EXPH5: variants seen among roughly 807,000 people sequenced by gnomAD.
EXPH5 encodes exophilin 5, also known as exophilin-5.
A neutral mutation model predicts 41.1 loss-of-function variants in EXPH5; 42 were observed. That is an observed-to-expected ratio of 1.02 (90% CI 0.80 to 1.32). The LOEUF is 1.32. Ranked by LOEUF, EXPH5 falls within the 40% of genes most tolerant of loss-of-function variation. EXPH5 has a pLI of 0.00. For missense variants in EXPH5, 2,298 were observed against 2,314.5 expected (o/e 0.99, Z 0.15); for synonymous variants, 798 against 833.5 (o/e 0.96, Z 0.73).
chr11:108,513,433 T>A lies in EXPH5; in HGVS notation c.2074A>T (p.Ile692Phe). ...TCATTATTTACTTCTGTGACCAAGA[T>A]ATTGGGCTGGCTTTTGGCAAGAGGC... ...SLPLAKSQPN[I>F]LVTEVNNEKD... Residue 692 changes from isoleucine to phenylalanine, a missense_variant, in exon 6 of 6, where the codon ATC becomes TTC. By Grantham distance (21) the Ile-to-Phe change is conservative (BLOSUM62 0). Transcript: ENST00000265843. 6.2e-7 allele frequency: 1 copy of A among 1,613,480 alleles called. No homozygotes were observed. Among genetic ancestry groups the A allele is most frequent in the African/African-American group, 1.3e-5 (1 of 74,998 alleles).
intron 4 of EXPH5, among the ~76,000 whole-genome samples, chr11:108,525,499 A>C (rs117593807): frequency 6.6e-6 from 1 of 152,232 alleles, no homozygotes; most frequent in South Asian, 2.1e-4. Context: ...ATGATCTCTA[A>C]GTGTTTCTCT....
rs139699634 is a variant in EXPH5 at position 108,513,865 on chromosome 11, G to A, written c.1642C>T (p.Pro548Ser). The A allele has an allele frequency of 2.4e-4, 379 of 1,611,440 alleles. 2 individuals are homozygous for A. The highest frequency in any genetic ancestry group is 2.9e-4 in the Non-Finnish European group (347 of 1,178,974). ...TGAAAATCAAACTGCCAAGGATGTG[G>A]CTCTTCTTGGCCTCTGGAAACATCT... ...GTDVSRGQEE[P>S]HPWQFDFQRS... Residue 548 changes from proline to serine, a missense_variant, in exon 6 of 6, where the codon CCA becomes TCA. Physicochemically the swap from Pro to Ser is moderately conservative, Grantham distance 74. Coordinates refer to ENST00000265843, the MANE Select transcript of EXPH5 (RefSeq NM_015065.3).
In EXPH5 at chr11:108,578,780, T is replaced by C. The variant is rs528003818; in HGVS notation, c.119+14638A>G. Among the ~76,000 whole-genome samples the C allele has an allele frequency of 2.0e-5, 3 of 152,316 alleles. No individual in the cohort carries two copies. In the East Asian group the frequency reaches 5.8e-4, roughly 29 times the overall value. On this transcript the variant is annotated intron_variant, in intron 1 of 5. Transcript: ENST00000265843. ...GTTAAGTTTATTCCTTTATTTGTAG[T>C]TATTGTAAATGAGATTGTTTTTTAG...
At chr11:108,561,421 A>G (rs947225067) in intron 1 of EXPH5, among the ~76,000 whole-genome samples, 2 of 152,190 alleles carry the variant, frequency 1.3e-5, no homozygotes, top group Non-Finnish European at 2.9e-5. Context: ...ACACCCAAAA[A>G]TAGCACTCGA....
the EXPH5 span, among the ~76,000 whole-genome samples, chr11:108,606,610 G>T: frequency 6.6e-6 from 1 of 152,024 alleles, no homozygotes; most frequent in African/African-American, 2.4e-5. Flanking sequence ...GCCCTTTAAA[G>T]ACAGGTTCAT....
intron 1 of EXPH5, among the ~76,000 whole-genome samples, chr11:108,548,143 T>C (rs2093947292): frequency 6.7e-6 from 1 of 148,888 alleles, no homozygotes; most frequent in Admixed American, 6.7e-5. Context: ...AAAATCAGTG[T>C]CTCAGAGTTC....
intron 3 of EXPH5, among the ~76,000 whole-genome samples, chr11:108,533,753 T>C (rs1247349346): frequency 6.6e-6 from 1 of 152,172 alleles, no homozygotes; most frequent in East Asian, 1.9e-4. Flanking sequence ...CTCTACCCAC[T>C]GGATCCCAAT....
intron 1 of EXPH5, among the ~76,000 whole-genome samples, chr11:108,589,836 T>C (rs2094123220): frequency 6.6e-6 from 1 of 152,208 alleles, no homozygotes; most frequent in South Asian, 2.1e-4. Flanking sequence ...ATACTCGACC[T>C]TTTTTAATTG....
intron 1 of EXPH5, among the ~76,000 whole-genome samples, chr11:108,567,179 G>A (rs1336067050): frequency 6.6e-6 from 1 of 152,206 alleles, no homozygotes; most frequent in Non-Finnish European, 1.5e-5. Flanking sequence ...AGTCAAGTGG[G>A]ATGAAATCTG....
rs78331746 is a variant in EXPH5, at chr11:108,549,503, G to C, written c.120-7691C>G. Among the ~76,000 whole-genome samples, 501 of 152,126 alleles carry C rather than the reference G, an allele frequency of 3.3e-3. 1 individual carries two copies. The highest frequency in any genetic ancestry group is 6.3e-3 in the Non-Finnish European group (431 of 68,006). On this transcript the variant is annotated intron_variant, in intron 1 of 5. Transcript: ENST00000265843. ...TTGCTGACCTTTGCTTGTCACTTTT[G>C]TTTGACTTTATTCTGAGCAAGGCTT...
chr11:108,529,611 G>C (rs148363271), intron 3 of EXPH5, among the ~76,000 whole-genome samples: 1 of 152,070 alleles, frequency 6.6e-6, no homozygotes. Context: ...TTGGGAGGCC[G>C]AGGTGGGTGG....
chr11:108,588,661 G>A (rs2136125569), intron 1 of EXPH5, among the ~76,000 whole-genome samples: 1 of 152,288 alleles, frequency 6.6e-6, no homozygotes, highest in South Asian at 2.1e-4. Context: ...ACAAATGTTA[G>A]CTATTATTAC....
chr11:108,559,515 GA>G (rs1375518840), intron 1 of EXPH5, among the ~76,000 whole-genome samples: 2 of 152,160 alleles, frequency 1.3e-5, no homozygotes, highest in Non-Finnish European at 2.9e-5. Context: ...TCAACGTCTT[GA>G]ATTTGTTAAT....
Position 108,566,857 on chromosome 11 carries a change from T to C in EXPH5, c.120-25045A>G, listed in dbSNP as rs561093185. 9.8e-5 allele frequency among the ~76,000 whole-genome samples: 15 copies of C among 152,310 alleles called. No homozygotes were observed. In the South Asian group the frequency reaches 2.9e-3, roughly 29 times the overall value. ...TGGAGGGGAAACTAAAGATTTCCTT[T>C]TGTGGTCTTTTGCCGGTCACTCAAC... is the stretch of plus-strand genomic sequence containing the variant. On this transcript the variant is annotated intron_variant, in intron 1 of 5. Transcript: ENST00000265843.
chr11:108,589,200 A>G (rs1448919184), intron 1 of EXPH5, among the ~76,000 whole-genome samples: 1 of 152,180 alleles, frequency 6.6e-6, no homozygotes, highest in Non-Finnish European at 1.5e-5. Context: ...TTTCCACTGT[A>G]TTCTCAGGGC....
chr11:108,523,006 T>C (rs2093774969), intron 4 of EXPH5, among the ~76,000 whole-genome samples: 1 of 152,120 alleles, frequency 6.6e-6, no homozygotes, highest in South Asian at 2.1e-4. Flanking sequence ...CTCAGCCTCT[T>C]GAGTAACTGG....
chr11:108,568,855 G>A (rs979380052), intron 1 of EXPH5, among the ~76,000 whole-genome samples: 8 of 151,730 alleles, frequency 5.3e-5, no homozygotes, highest in Admixed American at 2.0e-4. Flanking sequence ...CTCCCTAATC[G>A]AGGCCCCTAA....
intron 1 of EXPH5, among the ~76,000 whole-genome samples, chr11:108,554,822 G>C (rs1415232624): frequency 6.6e-6 from 1 of 152,166 alleles, no homozygotes; most frequent in Admixed American, 6.5e-5. Context: ...TACTTGGCTG[G>C]CTGAGGCAGG....
At position 108,514,153 on chromosome 11, in the gene EXPH5, G is replaced by A; in HGVS notation, c.1354C>T (p.His452Tyr). The A allele has an allele frequency of 1.2e-6, 2 of 1,613,948 alleles. No individual in the cohort carries two copies. The highest frequency in any genetic ancestry group is 2.2e-5 in the South Asian group (2 of 91,002). Residue 452 changes from histidine (H) to tyrosine (Y), a missense_variant, in exon 6 of 6, where the codon CAT (histidine) becomes TAT (tyrosine). By Grantham distance (83) the His-to-Tyr change is moderately conservative. Coordinates refer to ENST00000265843, the MANE Select transcript of EXPH5 (RefSeq NM_015065.3). The stretch of plus-strand genomic sequence containing the variant: ...GATCTGGTAAATGTGTTGCTTTGAT[G>A]GTAGAATGGCATGTTCTCTGAGTTC... Reference protein sequence around the residue: ...FENSENMPFYHQSNTFTRSFF... With the variant: ...FENSENMPFYYQSNTFTRSFF...
Sources: gnomAD v4.1 joint callset for allele counts (sites outside exome capture counted in the v4.1 genomes callset) on GRCh38, gnomAD v4.1.1 for gene constraint, MANE v1.5 for transcripts, NCBI Gene and HGNC (gene_info 2026-07-23, HGNC 2026-07-21) for gene names.